Variants in VAV1 observed in about 807,000 individuals in gnomAD.
VAV1 encodes proto-oncogene vav.
Under a neutral mutation model 128.1 loss-of-function variants are expected in VAV1, and 33 were observed. That is an observed-to-expected ratio of 0.26 (90% confidence interval 0.20 to 0.34). VAV1 has a LOEUF of 0.34. VAV1 is among the 10% of genes least tolerant of loss of function. The pLI, the probability that VAV1 is intolerant of heterozygous loss-of-function variation, is 1.00. For synonymous variants in VAV1, 394 were observed against 409.8 expected (o/e 0.96, Z 0.47); for missense variants, 715 against 1,093.7 (o/e 0.65, Z 4.88).
chr19:6,838,365 A>G (rs1334859948), intron 21 of VAV1, among the ~76,000 whole-genome samples: 2 of 150,642 alleles, frequency 1.3e-5, no homozygotes, highest in African/African-American at 4.9e-5. Context: ...CTACCCATCA[A>G]TCCATCCATT....
chr19:6,826,955 T>G lies in VAV1; in HGVS notation c.927+244T>G. On this transcript the variant is annotated intron_variant, in intron 9 of 26. Transcript: ENST00000602142. The surrounding 1 kb of genome is among the most constrained non-coding windows in gnomAD (Gnocchi z 4.1). ...GTGAAGTCCTGACCCTGAACTGAGC[T>G]CTGATCTCACACTCAACCCCAGCCC... 1 of 543,450 alleles carries G rather than the reference T, an allele frequency of 1.8e-6. No homozygotes were observed. 33.7% of individuals were successfully genotyped at this position (543,450 alleles called of 1,614,324 possible).
Position 6,854,051 on chromosome 19 carries a change from A to T in VAV1, c.2437A>T (p.Asn813Tyr), listed in dbSNP as rs778399512. ...GGAGGGTGACATCATCAAGATCCTT[A>T]ACAAGAAGGGACAGCAAGGCTGGTG... is the stretch of plus-strand genomic sequence containing the variant. ...LKEGDIIKIL[N>Y]KKGQQGWWRG... Residue 813 changes from asparagine to tyrosine, a missense_variant, in exon 26 of 27, where the codon AAC becomes TAC. Physicochemically the swap from Asn to Tyr is moderately radical, Grantham distance 143. Around this residue, in one of 3 missense-constraint regions of VAV1, gnomAD observed 407 missense variants for 580.6 expected, o/e 0.70. Transcript: ENST00000602142. 1 of 1,613,940 alleles carries T rather than the reference A, an allele frequency of 6.2e-7. No homozygotes were observed. The highest frequency in any genetic ancestry group is 8.5e-7 in the Non-Finnish European group (1 of 1,180,036).
At position 6,826,296 on chromosome 19, in the gene VAV1, C is replaced by T. The variant is rs1053170230; in HGVS notation, c.828-316C>T. Among the ~76,000 whole-genome samples, 2 of 152,116 alleles carry T rather than the reference C, an allele frequency of 1.3e-5. No homozygotes were observed. Among genetic ancestry groups the T allele is most frequent in the African/African-American group, 2.4e-5 (1 of 41,416 alleles). The stretch of plus-strand genomic sequence containing the variant: ...GAGGTTGCACTGAGCCCAGATCACA[C>T]CACTGTACTCCAGCCTGGGAGACAA... On this transcript the variant is annotated intron_variant, in intron 8 of 26. Transcript: ENST00000602142. This position sits in a 1 kb window ranked among gnomAD's most constrained non-coding sequence, Gnocchi z 4.1.
chr19:6,781,179 A>G (rs557603277), intron 1 of VAV1, among the ~76,000 whole-genome samples: 1 of 152,326 alleles, frequency 6.6e-6, no homozygotes, highest in African/African-American at 2.4e-5. Context: ...CTGGGATGAT[A>G]ATCGTGAATC....
intron 1 of VAV1, among the ~76,000 whole-genome samples, chr19:6,785,901 C>T (rs550201391): frequency 2.0e-4 from 30 of 151,930 alleles, no homozygotes; most frequent in Middle Eastern, 6.8e-3. Flanking sequence ...TCAAGTGATC[C>T]GCCCGTCTCG....
Position 6,824,299 on chromosome 19 carries a change from C to T in VAV1, c.655-754C>T, listed in dbSNP as rs572480935. Among the ~76,000 whole-genome samples, 144 of 152,158 alleles carry T rather than the reference C, an allele frequency of 9.5e-4. 1 individual carries two copies. The highest frequency in any genetic ancestry group is 3.4e-3 in the Middle Eastern group (1 of 294). On this transcript the variant is annotated intron_variant, in intron 6 of 26. Coordinates refer to ENST00000602142, the MANE Select transcript of VAV1 (RefSeq NM_005428.4). Reference sequence around the variant, plus strand: ...AACCCCAAACTCTTTAGCTGTTCCCCTTCAATCTCTTATCTTCCCCCGGTC... The same window carrying T: ...AACCCCAAACTCTTTAGCTGTTCCCTTTCAATCTCTTATCTTCCCCCGGTC...
intron 1 of VAV1, among the ~76,000 whole-genome samples, chr19:6,787,968 T>C (rs1241188090): frequency 6.6e-6 from 1 of 151,906 alleles, no homozygotes; most frequent in Non-Finnish European, 1.5e-5. Context: ...TCCCAGCTAC[T>C]TGGGAGGCTG....
At chr19:6,783,615 TG>T (rs1970818001) in intron 1 of VAV1, among the ~76,000 whole-genome samples, 1 of 152,002 alleles carries the variant, frequency 6.6e-6, no homozygotes, top group Admixed American at 6.6e-5. Flanking sequence ...CCCAAGTAGC[TG>T]GGATTACAGG....
chr19:6,821,129 C>T (rs1227723401), intron 2 of VAV1, among the ~76,000 whole-genome samples: 1 of 152,282 alleles, frequency 6.6e-6, no homozygotes, highest in Non-Finnish European at 1.5e-5. Context: ...GGGCCGGGCG[C>T]AGTGGCTCAT....
In VAV1 at chr19:6,857,190, G is replaced by A. The variant is rs1368895504; in HGVS notation, c.*83G>A. On this transcript the variant is annotated 3_prime_UTR_variant, in exon 27 of 27. Transcript: ENST00000602142. ...GGCAGCGGAGCCAGGGGCTGTGACA[G>A]CTCCCGGCGGGTGGAGACTTTGGGA... 5.7e-6 allele frequency: 9 copies of A among 1,586,862 alleles called. No individual in the cohort carries two copies. The highest frequency in any genetic ancestry group is 6.9e-6 in the Non-Finnish European group (8 of 1,165,218).
chr19:6,847,389 A>G (rs1002350976), intron 22 of VAV1, among the ~76,000 whole-genome samples: 2 of 151,760 alleles, frequency 1.3e-5, no homozygotes, highest in African/African-American at 2.4e-5. Flanking sequence ...GGCATTTCCT[A>G]TGAATGGAAA....
intron 15 of VAV1, among the ~76,000 whole-genome samples, chr19:6,832,499 C>T (rs1213485302): frequency 6.7e-6 from 1 of 150,210 alleles, no homozygotes; most frequent in Non-Finnish European, 1.5e-5. Context: ...TCCTCTTTCT[C>T]CTTCTCCTTT....
At chr19:6,839,222 A>AT (rs59905175) in intron 21 of VAV1, among the ~76,000 whole-genome samples, 6,536 of 134,070 alleles carry the variant, frequency 0.049, 385 homozygotes, top group African/African-American at 0.15. Flanking sequence ...TTTGTGTGTG[A>AT]TTTTTTTTTT....
intron 1 of VAV1, among the ~76,000 whole-genome samples, chr19:6,780,019 G>A (rs1384309260): frequency 6.7e-6 from 1 of 148,632 alleles, no homozygotes; most frequent in Non-Finnish European, 1.5e-5. Flanking sequence ...GCTGAAGCAG[G>A]AGAATGGCAT....
At chr19:6,790,533 G>A (rs1970994959) in intron 1 of VAV1, among the ~76,000 whole-genome samples, 2 of 152,198 alleles carry the variant, frequency 1.3e-5, no homozygotes, top group African/African-American at 4.8e-5. Flanking sequence ...GCTTCTGGGG[G>A]CTCCAGATGA....
chr19:6,785,652 T>C (rs1394109432), intron 1 of VAV1, among the ~76,000 whole-genome samples: 1 of 134,860 alleles, frequency 7.4e-6, no homozygotes. Context: ...TTTCTTTCTT[T>C]CTTTCTTTCT....
At chr19:6,779,967 CG>C (rs950740953) in intron 1 of VAV1, among the ~76,000 whole-genome samples, 10 of 149,010 alleles carry the variant, frequency 6.7e-5, no homozygotes, top group Admixed American at 6.0e-4. Context: ...AAAAATTAGC[CG>C]GGCGTGGTTG....
At chr19:6,780,936 T>A (rs1970756388) in intron 1 of VAV1, among the ~76,000 whole-genome samples, 1 of 150,160 alleles carries the variant, frequency 6.7e-6, no homozygotes, top group Non-Finnish European at 1.5e-5. Context: ...TGAGACAGAG[T>A]CTCACTCTGT....
chr19:6,834,314 G>T (rs747917503), intron 19 of VAV1, among the ~76,000 whole-genome samples: 2 of 150,772 alleles, frequency 1.3e-5, no homozygotes, highest in Non-Finnish European at 3.0e-5. Context: ...TGTGATCTTG[G>T]CTCACTACAA....
Sources: gnomAD v4.1 joint callset for allele counts (sites outside exome capture counted in the v4.1 genomes callset) on GRCh38, gnomAD v4.1.1 for gene constraint, gnomAD v4.1.1 regional missense constraint, Gnocchi (gnomAD v3.1) non-coding constraint, MANE v1.5 for transcripts, NCBI Gene and HGNC (gene_info 2026-07-23, HGNC 2026-07-21) for gene names.